The following FLNA variants were observed in gnomAD, a reference collection of about 807,000 sequenced individuals.
FLNA encodes the protein filamin A.
In FLNA, 7 loss-of-function variants were observed where a neutral mutation model predicts 157.6. That is an observed-to-expected ratio of 0.04 (90% CI 0.03 to 0.08). The LOEUF (loss-of-function observed/expected upper bound fraction) is 0.08, where lower values mean the gene tolerates loss of function less well. FLNA is among the 10% of genes least tolerant of loss of function. FLNA has a pLI of 1.00. For missense variants in FLNA, 1,750 were observed against 2,398.4 expected, an observed-to-expected ratio of 0.73 and a Z score of 5.65; for synonymous variants, 1,103 against 1,060.8, an observed-to-expected ratio of 1.04 and a Z score of -0.77.
At position 154,354,145 on chromosome X, in the gene FLNA, G is replaced by A; in HGVS notation, c.5557+6C>T. The A allele has an allele frequency of 4.1e-6, 5 of 1,211,779 alleles. No homozygotes were observed. Among genetic ancestry groups the A allele is most frequent in the East Asian group, 3.0e-5 (1 of 33,865 alleles). On this transcript the variant is annotated splice_donor_region_variant and intron_variant, in intron 34 of 47. Coordinates refer to ENST00000369850, the MANE Select transcript of FLNA (RefSeq NM_001110556.2). ...GGTGGAGTGGGCAGAGGCAGGGCAG[G>A]CCCACCTGGGATGTGCATGTTGTCA... is the stretch of plus-strand genomic sequence containing the variant.
chrX:154,356,114 C>T (rs1569551537), intron 30 of FLNA, among the ~76,000 whole-genome samples: 1 of 112,426 alleles, frequency 8.9e-6, no homozygotes, highest in Non-Finnish European at 1.9e-5. Context: ...ATGTGCACCC[C>T]ATGCCATCTA....
At position 154,352,636 on chromosome X, in the gene FLNA, A is replaced by G. The variant is rs782096496; in HGVS notation, c.6419T>C (p.Val2140Ala). Reference protein sequence around the residue: ...FSVKVTGEGRVKESITRRRRA... With the variant: ...FSVKVTGEGRAKESITRRRRA... ...ACGCCTGCGGGTGATGCTCTCTTTC[A>G]CCCGGCCCTCGCCTGTCACCTTCAC... Residue 2140 changes from valine to alanine, a missense_variant, in exon 40 of 48, where the codon GTG becomes GCG. Val to Ala is a moderately conservative substitution (Grantham distance 64). Coordinates refer to ENST00000369850, the MANE Select transcript of FLNA (RefSeq NM_001110556.2). 8.3e-7 allele frequency: 1 copy of G among 1,210,931 alleles called. No homozygotes were observed. The highest frequency in any genetic ancestry group is 1.1e-6 in the Non-Finnish European group (1 of 895,400).
rs2067743164 is a variant in FLNA at position 154,364,833 on chromosome X, C to T, written c.1816G>A (p.Val606Met). 1.7e-6 allele frequency: 2 copies of T among 1,209,803 alleles called. No individual in the cohort carries two copies. The highest frequency in any genetic ancestry group is 3.0e-5 in the East Asian group (1 of 33,794). The change falls in exon 12 of 48, where the codon GTG becomes ATG. Residue 606 changes from valine (V) to methionine (M), a missense_variant. Physicochemically the swap from Val to Met is conservative, Grantham distance 21 (BLOSUM62 1). Transcript: ENST00000369850. ...GCCTCCAACTTACCCAGCGTGCCCA[C>T]GTCGTCCCCGATAGCCTCCACCACA... ...DFVVEAIGDD[V>M]GTLGFSVEGP...
In FLNA at chrX:154,367,438, C is replaced by T. The variant is rs184188371; in HGVS notation, c.827G>A (p.Arg276Gln). Residue 276 changes from arginine (R) to glutamine (Q), a missense_variant, in exon 5 of 48, where the codon CGG (arginine) becomes CAG (glutamine). This residue lies in a region of FLNA where 71 missense variants were observed against 239.5 expected (regional missense o/e 0.30). Coordinates refer to ENST00000369850, the MANE Select transcript of FLNA (RefSeq NM_001110556.2). Reference sequence around the variant, plus strand: ...GGCTTTCTTCGGGTTCAGTTTGGGCCGCAAGGGAGCCCCTGGCTTCAGCTT... The same window carrying T: ...GGCTTTCTTCGGGTTCAGTTTGGGCTGCAAGGGAGCCCCTGGCTTCAGCTT... ...KAKLKPGAPLRPKLNPKKARA... is the reference protein window; with the variant it reads ...KAKLKPGAPLQPKLNPKKARA... The T allele has an allele frequency of 1.7e-6, 2 of 1,210,310 alleles. No individual in the cohort carries two copies. The highest frequency in any genetic ancestry group is 1.1e-6 in the Non-Finnish European group (1 of 895,251).
rs781913265 is a variant in FLNA, at chrX:154,352,878, G to A, written c.6273C>T (p.Asp2091=). The A allele has an allele frequency of 1.7e-5, 20 of 1,210,447 alleles. No homozygotes were observed. The highest frequency in any genetic ancestry group is 2.1e-5 in the Non-Finnish European group (19 of 895,127). The part of the protein sequence containing the change: ...SLSIEGPSKV[D]INTEDLEDGT... ...CGTCCTCCAGGTCCTCTGTGTTGAT[G>A]TCCACCTTGCTGGGGCCCTCAATGG... The change falls in exon 39 of 48, where the codon GAC becomes GAT. Residue 2091 remains aspartate, a synonymous_variant. Transcript: ENST00000369850.
chrX:154,354,217 G>A lies in FLNA; in HGVS notation c.5491C>T (p.Arg1831Trp), dbSNP rs1260834543. 8.3e-7 allele frequency: 1 copy of A among 1,210,507 alleles called. No individual in the cohort carries two copies. The highest frequency in any genetic ancestry group is 1.1e-6 in the Non-Finnish European group (1 of 895,286). ...TDNKDGTVTVRYAPSEAGLHE... is the reference protein window; with the variant it reads ...TDNKDGTVTVWYAPSEAGLHE... ...AGGCCAGCCTCGCTGGGTGCATACC[G>A]CACGGTCACGGTGCCGTCTTTGTTG... The change falls in exon 34 of 48, where the codon CGG (arginine) becomes TGG (tryptophan). Residue 1831 changes from arginine (R) to tryptophan (W), a missense_variant. Around this residue, in one of 5 missense-constraint regions of FLNA, gnomAD observed 970 missense variants for 1,302.6 expected, o/e 0.74. Transcript: ENST00000369850.
At position 154,357,555 on chromosome X, in the gene FLNA, G is replaced by A. The variant is rs781789823; in HGVS notation, c.4824C>T (p.Tyr1608=). Residue 1608 remains tyrosine, a synonymous_variant, in exon 29 of 48, where the codon TAC becomes TAT. Coordinates refer to ENST00000369850, the MANE Select transcript of FLNA (RefSeq NM_001110556.2). ...TGTAGCGACCTGTCACGTCTGGCAC[G>A]TAGGCCACTGTATACGTGCCGTCAT... is the stretch of plus-strand genomic sequence containing the variant. ...DNHDGTYTVA[Y]VPDVTGRYTI... 31 of 1,210,326 alleles carry A rather than the reference G, an allele frequency of 2.6e-5. No individual in the cohort carries two copies. In the African/African-American group the frequency reaches 3.5e-4, roughly 14 times the overall value.
intron 2 of FLNA, 73 bp downstream of exon 2, chrX:154,370,800 G>A (rs1481786774): frequency 2.7e-6 from 3 of 1,119,567 alleles, no homozygotes; most frequent in East Asian, 3.2e-5. Flanking sequence ...GTTTGGAGGG[G>A]TCCGCCCGGG....
chrX:154,369,480 T>G (rs2067787901), intron 2 of FLNA, among the ~76,000 whole-genome samples: 1 of 112,082 alleles, frequency 8.9e-6, no homozygotes, highest in Non-Finnish European at 1.9e-5. Flanking sequence ...GCTGGGAGAC[T>G]GTCTGGCTGG....
chrX:154,363,988 G>A (rs1198346469), intron 15 of FLNA, 34 bp downstream of exon 15: 15 of 1,201,717 alleles, frequency 1.2e-5, no homozygotes, highest in African/African-American at 5.3e-5. Flanking sequence ...GAATGCTATC[G>A]AGATGGACTA....
chrX:154,351,561 G>A lies in FLNA; in HGVS notation c.7023+20C>T, dbSNP rs372856336. The A allele has an allele frequency of 4.5e-6, 5 of 1,100,557 alleles. No homozygotes were observed. Among genetic ancestry groups the A allele is most frequent in the Middle Eastern group, 5.0e-4 (2 of 4,006 alleles). 90.7% of individuals were successfully genotyped at this position (1,100,557 alleles called of 1,213,427 possible). A position where few individuals can be genotyped will look rare whatever the true frequency, so the allele number is the denominator to read the frequency against. On this transcript the variant is annotated intron_variant, in intron 43 of 47. Coordinates refer to ENST00000369850, the MANE Select transcript of FLNA (RefSeq NM_001110556.2). ...CCGGGCCCAGGAGCCCCAGGTGGGC[G>A]GTTTCTCTCGGTGCCTCACCTGAAG...
At chrX:154,355,322 G>A in intron 30 of FLNA, among the ~76,000 whole-genome samples, 1 of 113,692 alleles carries the variant, frequency 8.8e-6, no homozygotes, top group East Asian at 2.8e-4. Flanking sequence ...CCAGGTGCCT[G>A]GGAGGAAAAG....
chrX:154,354,468 G>C lies in FLNA; in HGVS notation c.5329C>G (p.Leu1777Val), dbSNP rs1557176465. 2.5e-6 allele frequency: 3 copies of C among 1,211,252 alleles called. No homozygotes were observed. Among genetic ancestry groups the C allele is most frequent in the Non-Finnish European group, 3.4e-6 (3 of 895,030 alleles). The change falls in exon 33 of 48, where the codon CTG (leucine) becomes GTG (valine). Residue 1777 changes from leucine (L) to valine (V), a missense_variant. Leu to Val is a conservative substitution (Grantham distance 32). Coordinates refer to ENST00000369850, the MANE Select transcript of FLNA (RefSeq NM_001110556.2). ...GQQTWAPERP[L>V]VGVNGLDVTS... ...ACATCCAGCCCATTGACACCCACCA[G>C]GGGCCTCTCCGGGGCCTGCAGTGGA... is the stretch of plus-strand genomic sequence containing the variant.
chrX:154,352,343 C>T lies in FLNA; in HGVS notation c.6607G>A (p.Val2203Ile), dbSNP rs782562592. ...GENHTYCIRFVPAEMGTHTVS... is the reference protein window; with the variant it reads ...GENHTYCIRFIPAEMGTHTVS... ...GTGTGTGTGCCCATCTCAGCGGGAACAAAGCGGATGCAGTAGGTGTGGTTC... is the reference window on the plus strand; with the variant it reads ...GTGTGTGTGCCCATCTCAGCGGGAATAAAGCGGATGCAGTAGGTGTGGTTC... Residue 2203 changes from valine (V) to isoleucine (I), a missense_variant, in exon 41 of 48, where the codon GTT (valine) becomes ATT (isoleucine). By Grantham distance (29) the Val-to-Ile change is conservative. Around this residue, in one of 5 missense-constraint regions of FLNA, gnomAD observed 970 missense variants for 1,302.6 expected, o/e 0.74. Transcript: ENST00000369850. 1.7e-5 allele frequency: 20 copies of T among 1,211,928 alleles called. No individual in the cohort carries two copies. Among genetic ancestry groups the T allele is most frequent in the Non-Finnish European group, 2.1e-5 (19 of 895,544 alleles).
In FLNA at chrX:154,364,550, C is replaced by T. The variant is rs34510365; in HGVS notation, c.1998G>A (p.Ala666=). The change falls in exon 13 of 48, where the codon GCG becomes GCA. Residue 666 remains alanine (A), a synonymous_variant. Coordinates refer to ENST00000369850, the MANE Select transcript of FLNA (RefSeq NM_001110556.2). ...CCCTGTCTGGGTGGAAGTCCTGGGG[C>T]GCGTCACGGATGTCAGCCATGAAGG... ...LSPFMADIRD[A]PQDFHPDRVK... is the part of the protein sequence containing the mutation. 6.0e-4 allele frequency: 725 copies of T among 1,208,097 alleles called. 2 individuals carry two copies. The African/African-American group carries it at 0.012, about 19-fold the overall frequency.
In FLNA at chrX:154,360,495, C is replaced by T. The variant is rs2148112379; in HGVS notation, c.3300G>A (p.Leu1100=). The T allele has an allele frequency of 2.5e-6, 3 of 1,211,350 alleles. No individual in the cohort carries two copies. Among genetic ancestry groups the T allele is most frequent in the Non-Finnish European group, 3.4e-6 (3 of 895,409 alleles). ...CACAGGGGCCCTCCACCGTCAGGCC[C>T]AGGCCACCTGTGCCGGCGCCCTTGG... ...IDTKGAGTGG[L]GLTVEGPCEA... is the part of the protein sequence containing the mutation. The change falls in exon 22 of 48, where the codon CTG becomes CTA. Residue 1100 remains leucine (L), a synonymous_variant. Coordinates refer to ENST00000369850, the MANE Select transcript of FLNA (RefSeq NM_001110556.2).
chrX:154,352,454 G>A lies in FLNA; in HGVS notation c.6503-7C>T. 8.3e-7 allele frequency: 1 copy of A among 1,211,457 alleles called. No individual in the cohort carries two copies. The highest frequency in any genetic ancestry group is 1.1e-6 in the Non-Finnish European group (1 of 895,331). On this transcript the variant is annotated splice_polypyrimidine_tract_variant and splice_region_variant and intron_variant, in intron 40 of 47. Coordinates refer to ENST00000369850, the MANE Select transcript of FLNA (RefSeq NM_001110556.2). Reference sequence around the variant, plus strand: ...ATATCCTGGATGCTAATTTCTGCAGGGTGGGGATGGGCTAGTGAGCAGCAG... The same window carrying A: ...ATATCCTGGATGCTAATTTCTGCAGAGTGGGGATGGGCTAGTGAGCAGCAG...
At chrX:154,369,710 G>GC (rs1174517256) in intron 2 of FLNA, among the ~76,000 whole-genome samples, 6 of 111,578 alleles carry the variant, frequency 5.4e-5, no homozygotes, top group Admixed American at 3.8e-4. Context: ...ACATCCGGTC[G>GC]CCCCCCCTAC....
In FLNA at chrX:154,360,568, C is replaced by A; in HGVS notation, c.3227G>T (p.Gly1076Val). 8.3e-7 allele frequency: 1 copy of A among 1,207,445 alleles called. No homozygotes were observed. The highest frequency in any genetic ancestry group is 1.1e-6 in the Non-Finnish European group (1 of 894,986). The change falls in exon 22 of 48, where the codon GGG (glycine) becomes GTG (valine). Residue 1076 changes from glycine to valine, a missense_variant. Around this residue, in one of 5 missense-constraint regions of FLNA, gnomAD observed 648 missense variants for 805.8 expected, o/e 0.80. Transcript: ENST00000369850. ...KPSKVKAFGP[G>V]LQGGSAGSPA... ...GGAGCCCGCACTGCCTCCCTGCAGC[C>A]CCGGCCCAAACGCCTTCACCTGAGG...
Sources: gnomAD v4.1 joint callset for allele counts (sites outside exome capture counted in the v4.1 genomes callset) on GRCh38, gnomAD v4.1.1 for gene constraint, gnomAD v4.1.1 regional missense constraint, MANE v1.5 for transcripts, NCBI Gene and HGNC (gene_info 2026-07-23, HGNC 2026-07-21) for gene names.